The following B9D1 variants were observed in gnomAD, a reference collection of about 807,000 sequenced individuals.
The protein encoded by B9D1 is B9 domain containing 1.
In B9D1, 20 loss-of-function variants were observed where a neutral mutation model predicts 26.1. The ratio of observed to expected loss-of-function variants is 0.77; its 90% confidence interval spans 0.54 to 1.12. B9D1 has a LOEUF of 1.12. B9D1 is among the 50% of genes most tolerant of loss of function. The probability of loss-of-function intolerance (pLI) is 0.00; values close to 1 mark genes in which losing one functional copy is unlikely to be tolerated. For missense variants in B9D1, 260 were observed against 273.7 expected (o/e 0.95, Z 0.35); for synonymous variants, 105 against 103.1 (o/e 1.02, Z -0.11).
intron 3 of B9D1, chr17:19,357,580 G>T: frequency 1.9e-6 from 1 of 513,290 alleles, no homozygotes; most frequent in Non-Finnish European, 3.6e-6. Context: ...GCCTTTTACA[G>T]GCGTGGCCAC....
In B9D1 at chr17:19,357,829, T is replaced by TG. The variant is rs1340872247; in HGVS notation, c.244+10dup. On this transcript the variant is annotated intron_variant, in intron 3 of 6. Coordinates refer to ENST00000261499, the MANE Select transcript of B9D1 (RefSeq NM_015681.6). ...CTGCCACCCTACCCCACAGGGCCCC[T>TG]GCAGACTCACAGCCGTAGGGGTTGG... 2 of 1,609,128 alleles carry TG rather than the reference T, an allele frequency of 1.2e-6. No individual in the cohort carries two copies. The highest frequency in any genetic ancestry group is 3.3e-5 in the Admixed American group (2 of 60,022).
chr17:19,335,342 A>C, downstream of B9D1: 1 of 1,499,136 alleles, frequency 6.7e-7, no homozygotes, highest in Non-Finnish European at 9.0e-7. Context: ...GTTAAAGAAA[A>C]AAATCTAATG....
upstream of B9D1, among the ~76,000 whole-genome samples, chr17:19,366,359 G>T (rs1911592169): frequency 6.6e-6 from 1 of 151,990 alleles, no homozygotes; most frequent in Non-Finnish European, 1.5e-5. Context: ...TGGGTCCTGG[G>T]GCAGGGGACT....
chr17:19,337,712 A>G, downstream of B9D1: 3 of 1,534,220 alleles, frequency 2.0e-6, no homozygotes, highest in South Asian at 3.6e-5. Context: ...TTTCATCTTG[A>G]AACACTGCTA....
At position 19,370,959 on chromosome 17, in the gene B9D1, C is replaced by A. The variant is rs1344553129; in HGVS notation, c.-298+6900G>T. On this transcript the variant is annotated intron_variant, in intron 1 of 5. Transcript: ENST00000477478. This position sits in a 1 kb window ranked among gnomAD's most constrained non-coding sequence, Gnocchi z 5.1. ...CAGGTCAACCACAACAAAGCCCAGC[C>A]TGCCCATCAAGCCCCACTGCTTTCC... Among the ~76,000 whole-genome samples, 1 of 152,262 alleles carries A rather than the reference C, an allele frequency of 6.6e-6. No individual in the cohort carries two copies. Among genetic ancestry groups the A allele is most frequent in the African/African-American group, 2.4e-5 (1 of 41,460 alleles).
intron 1 of B9D1, among the ~76,000 whole-genome samples, chr17:19,369,995 TGA>T (rs1368035051): frequency 6.6e-6 from 1 of 152,006 alleles, no homozygotes; most frequent in African/African-American, 2.4e-5. Context: ...TCCTGCAGAT[TGA>T]GAGAGGAAAC....
upstream of B9D1, among the ~76,000 whole-genome samples, chr17:19,364,979 G>T (rs1415842577): frequency 6.6e-6 from 1 of 152,210 alleles, no homozygotes; most frequent in Non-Finnish European, 1.5e-5. The surrounding 1 kb of genome is among the most constrained non-coding windows in gnomAD (Gnocchi z 4.3). Flanking sequence ...GCCCCTGCAG[G>T]GTCCCAAGCT....
intron 3 of B9D1, among the ~76,000 whole-genome samples, chr17:19,353,435 G>A (rs1324430213): frequency 2.7e-5 from 4 of 145,700 alleles, no homozygotes; most frequent in Admixed American, 2.1e-4. Context: ...GTCAGGAGTT[G>A]AGACCAGCCT....
chr17:19,363,043 C>T (rs777506514), upstream of B9D1: 14 of 205,098 alleles, frequency 6.8e-5, no homozygotes, highest in Non-Finnish European at 1.5e-4. Flanking sequence ...TCGCTGTGGC[C>T]CCACCGCGAG....
At chr17:19,366,784 A>C (rs1911612703), upstream of B9D1, among the ~76,000 whole-genome samples, 1 of 152,172 alleles carries the variant, frequency 6.6e-6, no homozygotes, top group African/African-American at 2.4e-5. Context: ...GAATTTCACA[A>C]ATGGTGCAAA....
At chr17:19,344,605 C>T (rs1427550100) in intron 5 of B9D1, 4 of 209,268 alleles carry the variant, frequency 1.9e-5, no homozygotes, top group Middle Eastern at 4.9e-4. Context: ...GACTCGCGGC[C>T]GCGCCTCCTC....
At chr17:19,358,188 T>C (rs545259337) in intron 2 of B9D1, among the ~76,000 whole-genome samples, 1 of 152,252 alleles carries the variant, frequency 6.6e-6, no homozygotes. Flanking sequence ...ACAAGGGCAC[T>C]AGATCTGGTC....
intron 1 of B9D1, among the ~76,000 whole-genome samples, chr17:19,375,153 A>G (rs1912047689): frequency 6.6e-6 from 1 of 152,054 alleles, no homozygotes; most frequent in Non-Finnish European, 1.5e-5. Context: ...AGCTGAGTGC[A>G]ATGATGTGTG....
intron 1 of B9D1, among the ~76,000 whole-genome samples, chr17:19,376,997 T>TA (rs2099821411): frequency 6.6e-6 from 1 of 152,154 alleles, no homozygotes; most frequent in Non-Finnish European, 1.5e-5. Flanking sequence ...CCTTCCAGAA[T>TA]AGACATTGAA....
intron 1 of B9D1, among the ~76,000 whole-genome samples, chr17:19,373,190 T>C (rs1911973297): frequency 6.6e-6 from 1 of 152,036 alleles, no homozygotes; most frequent in Non-Finnish European, 1.5e-5. Flanking sequence ...GAAATGAGGG[T>C]AAGGTTCTGG....
chr17:19,370,342 A>G lies in B9D1; in HGVS notation c.-298+7517T>C, dbSNP rs867659539. 3.9e-5 allele frequency among the ~76,000 whole-genome samples: 6 copies of G among 152,344 alleles called. No individual in the cohort carries two copies. Among genetic ancestry groups the G allele is most frequent in the Middle Eastern group, 6.8e-3 (2 of 294 alleles). On this transcript the variant is annotated intron_variant, in intron 1 of 5. Coordinates refer to the B9D1 transcript ENST00000477478. The surrounding 1 kb of genome is among the most constrained non-coding windows in gnomAD (Gnocchi z 5.1). ...GGAGCTCAGGGAGAACAACCCTCAGAGGAGATGGCCCCTGGCTGAGCCTGG... is the reference window on the plus strand; with the variant it reads ...GGAGCTCAGGGAGAACAACCCTCAGGGGAGATGGCCCCTGGCTGAGCCTGG...
chr17:19,346,850 A>G (rs1419571979), intron 5 of B9D1: 1 of 1,297,338 alleles, frequency 7.7e-7, no homozygotes, highest in Non-Finnish European at 1.0e-6. Flanking sequence ...TTCCCTCCAC[A>G]CTAAGCCTCT....
At chr17:19,358,339 C>A (rs981808266) in intron 2 of B9D1, among the ~76,000 whole-genome samples, 1 of 152,164 alleles carries the variant, frequency 6.6e-6, no homozygotes, top group Non-Finnish European at 1.5e-5. Context: ...AAAAATAGTC[C>A]TCTTTCAACT....
downstream of B9D1, among the ~76,000 whole-genome samples, chr17:19,340,089 C>T (rs1378434354): frequency 6.8e-6 from 1 of 146,760 alleles, no homozygotes; most frequent in Non-Finnish European, 1.5e-5. Flanking sequence ...TTAAATCTCA[C>T]TGCATCATCT....
Sources: gnomAD v4.1 joint callset for allele counts (sites outside exome capture counted in the v4.1 genomes callset) on GRCh38, gnomAD v4.1.1 for gene constraint, Gnocchi (gnomAD v3.1) non-coding constraint, MANE v1.5 for transcripts, NCBI Gene and HGNC (gene_info 2026-07-23, HGNC 2026-07-21) for gene names.